SLCO6A1: variants seen among roughly 807,000 people sequenced by gnomAD.
SLCO6A1 encodes cancer/testis antigen 48.
Under a neutral mutation model 72.7 loss-of-function variants are expected in SLCO6A1, and 65 were observed. The observed-to-expected ratio is 0.89, with a 90% CI of 0.73 to 1.10. The LOEUF is 1.10. SLCO6A1 is among the 50% of genes least tolerant of loss of function. The pLI, the probability that SLCO6A1 is intolerant of heterozygous loss-of-function variation, is 0.00. For missense variants in SLCO6A1, 874 were observed against 872.6 expected, an observed-to-expected ratio of 1.00 and a Z score of -0.02; for synonymous variants, 314 against 298.2, an observed-to-expected ratio of 1.05 and a Z score of -0.55.
intron 4 of SLCO6A1, among the ~76,000 whole-genome samples, chr5:102,471,289 T>G (rs1751597569): frequency 6.6e-6 from 1 of 152,020 alleles, no homozygotes; most frequent in Admixed American, 6.6e-5. Context: ...GCTCTAAGTC[T>G]CTAACTACCC....
chr5:102,407,417 G>C (rs776067795), intron 9 of SLCO6A1, among the ~76,000 whole-genome samples: 6 of 152,208 alleles, frequency 3.9e-5, no homozygotes, highest in African/African-American at 1.2e-4. Context: ...CTGTATACCA[G>C]TGCTTCAATA....
chr5:102,373,386 G>A lies in SLCO6A1; in HGVS notation c.2126C>T (p.Pro709Leu). The change falls in exon 13 of 14, where the codon CCA (proline) becomes CTA (leucine). Residue 709 changes from proline to leucine, a missense_variant. Coordinates refer to ENST00000506729, the MANE Select transcript of SLCO6A1 (RefSeq NM_173488.5). ...TDFPDVTVKN[P>L]KVKKKEETDL The stretch of plus-strand genomic sequence containing the variant: ...AGTTTCTTCTTTTTTCTTAACTTTT[G>A]GATTCTTCACAGTTACATCTGGGAA... 6.4e-7 allele frequency: 1 copy of A among 1,572,234 alleles called. No homozygotes were observed. The highest frequency in any genetic ancestry group is 2.3e-5 in the East Asian group (1 of 42,876).
At chr5:102,470,272 G>A (rs1751537584) in intron 4 of SLCO6A1, among the ~76,000 whole-genome samples, 2 of 152,238 alleles carry the variant, frequency 1.3e-5, no homozygotes, top group East Asian at 1.9e-4. Flanking sequence ...GAATTCAGTT[G>A]TGAATCTGTC....
At chr5:102,439,794 T>A (rs1355586413) in intron 6 of SLCO6A1, among the ~76,000 whole-genome samples, 1 of 152,184 alleles carries the variant, frequency 6.6e-6, no homozygotes, top group Admixed American at 6.5e-5. Context: ...TTCTCCAGAA[T>A]GTATCAGGTT....
intron 7 of SLCO6A1, among the ~76,000 whole-genome samples, chr5:102,432,841 C>T (rs570959074): frequency 3.2e-4 from 48 of 152,310 alleles, no homozygotes; most frequent in African/African-American, 1.1e-3. Context: ...TGAAAGTTTT[C>T]ATAGATGATA....
intron 10 of SLCO6A1, among the ~76,000 whole-genome samples, chr5:102,395,689 C>T (rs1747033356): frequency 6.6e-6 from 1 of 152,196 alleles, no homozygotes; most frequent in Admixed American, 6.5e-5. Context: ...TCTCCACATT[C>T]TCTCCAGCAC....
intron 9 of SLCO6A1, among the ~76,000 whole-genome samples, chr5:102,405,047 G>A (rs10067645): frequency 0.64 from 97,060 of 151,864 alleles, 31,209 homozygotes; most frequent in African/African-American, 0.66. Flanking sequence ...TATTCATTAT[G>A]TTATTATTTG....
At chr5:102,411,018 A>G (rs1747946796) in intron 9 of SLCO6A1, among the ~76,000 whole-genome samples, 1 of 152,172 alleles carries the variant, frequency 6.6e-6, no homozygotes, top group South Asian at 2.1e-4. Context: ...CCAAAAGGAT[A>G]GTATTCGTCA....
chr5:102,469,327 T>C (rs909637183), intron 4 of SLCO6A1, among the ~76,000 whole-genome samples: 1 of 152,200 alleles, frequency 6.6e-6, no homozygotes, highest in Admixed American at 6.5e-5. Context: ...TTGTGTCCTT[T>C]TTTATTTCGT....
intron 9 of SLCO6A1, 87 bp downstream of exon 9, chr5:102,412,903 A>G (rs1748065162): frequency 1.1e-5 from 6 of 552,642 alleles, no homozygotes; most frequent in Non-Finnish European, 1.6e-5. Context: ...ACATTTCACT[A>G]AAGAGGAAGA....
chr5:102,464,083 C>T (rs56218837), intron 4 of SLCO6A1, among the ~76,000 whole-genome samples: 34,993 of 151,512 alleles, frequency 0.23, 4,656 homozygotes, highest in South Asian at 0.34. Flanking sequence ...CTACACATTG[C>T]GTACAGTGTA....
At chr5:102,414,896 A>AAAGT (rs1320395315) in intron 8 of SLCO6A1, among the ~76,000 whole-genome samples, 10 of 139,870 alleles carry the variant, frequency 7.1e-5, no homozygotes, top group Admixed American at 3.1e-4. Context: ...ACTCCATCTC[A>AAAGT]AAGTAAGTAA....
In SLCO6A1 at chr5:102,382,559, G is replaced by C. The variant is rs1348598554; in HGVS notation, c.2017+6129C>G. On this transcript the variant is annotated intron_variant, in intron 12 of 13. Coordinates refer to ENST00000506729, the MANE Select transcript of SLCO6A1 (RefSeq NM_173488.5). ...TTTTGATAGGTACTGCTTGGAATCT[G>C]TAGGTCACTCTGGGTACTATGAACA... is the stretch of plus-strand genomic sequence containing the variant. 1.3e-5 allele frequency among the ~76,000 whole-genome samples: 2 copies of C among 151,212 alleles called. 1 individual carries two copies. Among genetic ancestry groups the C allele is most frequent in the African/African-American group, 4.8e-5 (2 of 41,350 alleles).
At chr5:102,463,768 C>A (rs1285856032) in intron 4 of SLCO6A1, among the ~76,000 whole-genome samples, 1 of 152,130 alleles carries the variant, frequency 6.6e-6, no homozygotes, top group Admixed American at 6.6e-5. Context: ...TGCCTGTAAT[C>A]CCAGCTACTG....
At chr5:102,489,854 T>G (rs1209861891) in intron 1 of SLCO6A1, among the ~76,000 whole-genome samples, 1 of 152,190 alleles carries the variant, frequency 6.6e-6, no homozygotes, top group East Asian at 1.9e-4. Context: ...AAGTGTCCAT[T>G]GACAGATGAA....
intron 12 of SLCO6A1, among the ~76,000 whole-genome samples, chr5:102,385,296 T>C (rs1002698568): frequency 1.3e-5 from 2 of 152,162 alleles, no homozygotes. Flanking sequence ...CCTTACATCT[T>C]ATCTATTTGG....
chr5:102,437,641 T>G (rs1050488896), intron 7 of SLCO6A1, among the ~76,000 whole-genome samples: 1 of 152,168 alleles, frequency 6.6e-6, no homozygotes, highest in African/African-American at 2.4e-5. Context: ...TTGGATAATT[T>G]GCAGTCAGAC....
chr5:102,401,845 A>T (rs1158512138), intron 9 of SLCO6A1, among the ~76,000 whole-genome samples: 1 of 152,154 alleles, frequency 6.6e-6, no homozygotes, highest in Non-Finnish European at 1.5e-5. Context: ...GCCAGAGGGC[A>T]AAGGAGCTTT....
chr5:102,482,294 C>T (rs554311207), intron 1 of SLCO6A1, among the ~76,000 whole-genome samples: 77 of 152,032 alleles, frequency 5.1e-4, no homozygotes, highest in African/African-American at 1.7e-3. Context: ...CATATATACA[C>T]GCAAATGTAC....
Sources: gnomAD v4.1 joint callset for allele counts (sites outside exome capture counted in the v4.1 genomes callset) on GRCh38, gnomAD v4.1.1 for gene constraint, MANE v1.5 for transcripts, NCBI Gene and HGNC (gene_info 2026-07-23, HGNC 2026-07-21) for gene names.